ERBB4: variants seen among roughly 807,000 people sequenced by gnomAD.
ERBB4 encodes receptor tyrosine-protein kinase erbB-4.
In ERBB4, 42 loss-of-function variants were observed where a neutral mutation model predicts 158.0. That is an observed-to-expected ratio of 0.27 (90% CI 0.21 to 0.34). The LOEUF (loss-of-function observed/expected upper bound fraction) is 0.34, where lower values mean the gene tolerates loss of function less well. Ranked by LOEUF, ERBB4 falls within the 10% of genes least tolerant of loss-of-function variation. ERBB4 has a pLI of 1.00. For synonymous variants in ERBB4, 583 were observed against 558.7 expected (o/e 1.04, Z -0.61); for missense variants, 1,333 against 1,624.1 (o/e 0.82, Z 3.08).
intron 5 of ERBB4, among the ~76,000 whole-genome samples, chr2:211,727,237 A>G (rs567729963): frequency 1.2e-3 from 176 of 152,254 alleles, no homozygotes; most frequent in Non-Finnish European, 1.9e-3. Context: ...TACCCACCTA[A>G]TAGGATTGAA....
intron 4 of ERBB4, among the ~76,000 whole-genome samples, chr2:211,756,214 C>T (rs2075284431): frequency 6.6e-6 from 1 of 151,944 alleles, no homozygotes; most frequent in Non-Finnish European, 1.5e-5. Context: ...CTATTATGAC[C>T]ATAATATTTG....
At chr2:211,646,484 G>A (rs1176463816) in intron 16 of ERBB4, among the ~76,000 whole-genome samples, 1 of 151,442 alleles carries the variant, frequency 6.6e-6, no homozygotes, top group Non-Finnish European at 1.5e-5. Flanking sequence ...AGTTACATAA[G>A]TACATTCAGA....
chr2:212,249,083 C>G (rs1320254440), intron 1 of ERBB4, among the ~76,000 whole-genome samples: 1 of 151,882 alleles, frequency 6.6e-6, no homozygotes, highest in Non-Finnish European at 1.5e-5. Flanking sequence ...GGAACTAGAC[C>G]AGCAACAGAC....
Position 212,271,550 on chromosome 2 carries a change from A to G in ERBB4, c.83-146647T>C, listed in dbSNP as rs144245700. On this transcript the variant is annotated intron_variant, in intron 1 of 27. Coordinates refer to ENST00000342788, the MANE Select transcript of ERBB4 (RefSeq NM_005235.3). ...TACCTATTAAAATTAATCTTTCAAA[A>G]TCACAAAGCAAAATAATAGTCAGTG... is the stretch of plus-strand genomic sequence containing the variant. 2.8e-4 allele frequency among the ~76,000 whole-genome samples: 42 copies of G among 151,928 alleles called. No individual in the cohort carries two copies. The East Asian group carries it at 8.2e-3, about 30-fold the overall frequency.
intron 2 of ERBB4, among the ~76,000 whole-genome samples, chr2:212,003,216 G>GAAAGGAAGAAAGACAGAAA (rs1491317567): frequency 0.012 from 402 of 34,484 alleles, 36 homozygotes; most frequent in East Asian, 0.047. Context: ...ACAGAAAGAA[G>GAAAGGAAGAAAGACAGAAA]GAAGGAAGGA....
chr2:211,775,483 T>C (rs2075849893), intron 4 of ERBB4, among the ~76,000 whole-genome samples: 2 of 152,308 alleles, frequency 1.3e-5, no homozygotes, highest in South Asian at 4.1e-4. Flanking sequence ...TAAGATAGTT[T>C]GATAACATTT....
At chr2:212,304,653 T>C (rs867148524) in intron 1 of ERBB4, among the ~76,000 whole-genome samples, 7 of 151,478 alleles carry the variant, frequency 4.6e-5, no homozygotes, top group African/African-American at 1.7e-4. Context: ...CAGAATCTAA[T>C]GATGCCACAA....
chr2:211,625,604 A>G (rs1434644139), intron 17 of ERBB4, among the ~76,000 whole-genome samples: 2 of 152,198 alleles, frequency 1.3e-5, no homozygotes, highest in Non-Finnish European at 1.5e-5. Flanking sequence ...GTCACATTTT[A>G]AAAATCTCAG....
intron 20 of ERBB4, among the ~76,000 whole-genome samples, chr2:211,440,504 G>A (rs1325206315): frequency 6.6e-6 from 1 of 152,160 alleles, no homozygotes; most frequent in African/African-American, 2.4e-5. Flanking sequence ...TTGAATGTCT[G>A]ACACCTTAGT....
intron 1 of ERBB4, among the ~76,000 whole-genome samples, chr2:212,219,210 T>C (rs1030518252): frequency 3.3e-5 from 5 of 151,362 alleles, no homozygotes; most frequent in Admixed American, 2.6e-4. Context: ...AATTGGTAAA[T>C]GGTAGAACTA....
At chr2:211,937,237 T>C (rs1183297948) in intron 3 of ERBB4, among the ~76,000 whole-genome samples, 1 of 152,182 alleles carries the variant, frequency 6.6e-6, no homozygotes, top group African/African-American at 2.4e-5. Context: ...CTTAAATTTG[T>C]TGAAATATGG....
At chr2:211,410,242 T>C (rs2063229815) in intron 25 of ERBB4, among the ~76,000 whole-genome samples, 3 of 152,224 alleles carry the variant, frequency 2.0e-5, no homozygotes, top group Admixed American at 2.0e-4. Flanking sequence ...TGTATATATA[T>C]ACACACATTG....
At chr2:212,432,541 C>T (rs1421209044) in intron 1 of ERBB4, among the ~76,000 whole-genome samples, 1 of 152,014 alleles carries the variant, frequency 6.6e-6, no homozygotes, top group Non-Finnish European at 1.5e-5. Context: ...AACTTGACTT[C>T]TGTAAATATA....
At chr2:212,456,053 A>C (rs1405058331) in intron 1 of ERBB4, among the ~76,000 whole-genome samples, 2 of 151,952 alleles carry the variant, frequency 1.3e-5, no homozygotes, top group Non-Finnish European at 2.9e-5. Context: ...AAAATTAAGA[A>C]AAAAAAAGCA....
chr2:212,150,204 A>G (rs1370256318), intron 1 of ERBB4, among the ~76,000 whole-genome samples: 1 of 152,126 alleles, frequency 6.6e-6, no homozygotes, highest in East Asian at 1.9e-4. Context: ...CTGCCTCTGA[A>G]GCCTCTAAGG....
chr2:212,058,185 T>C (rs1442137893), intron 2 of ERBB4, among the ~76,000 whole-genome samples: 2 of 151,964 alleles, frequency 1.3e-5, no homozygotes, highest in Admixed American at 6.5e-5. Context: ...AACTAGAAAA[T>C]CTAGAAGAAG....
At chr2:211,512,469 T>C (rs536460188) in intron 20 of ERBB4, among the ~76,000 whole-genome samples, 142 of 151,898 alleles carry the variant, frequency 9.3e-4, no homozygotes, top group African/African-American at 3.2e-3. Flanking sequence ...CATTTTTATA[T>C]AGAAAGAAAC....
intron 3 of ERBB4, among the ~76,000 whole-genome samples, chr2:211,867,889 C>G (rs772433451): frequency 4.6e-5 from 7 of 152,192 alleles, no homozygotes; most frequent in Non-Finnish European, 1.0e-4. Context: ...TAATTAATCT[C>G]TATGACTGAG....
Position 212,321,415 on chromosome 2 carries a change from T to A in ERBB4, c.83-196512A>T, listed in dbSNP as rs540997210. ...CACTGAACTGTTTATATGGCAGAAT[T>A]AAAAATAAAACAACAGACTGGGCAT... On this transcript the variant is annotated intron_variant, in intron 1 of 27. Coordinates refer to ENST00000342788, the MANE Select transcript of ERBB4 (RefSeq NM_005235.3). Among the ~76,000 whole-genome samples, 11 of 150,518 alleles carry A rather than the reference T, an allele frequency of 7.3e-5. No homozygotes were observed. The South Asian group carries it at 2.1e-3, about 29-fold the overall frequency.
Sources: allele counts gnomAD v4.1 joint callset (sites outside exome capture counted in the v4.1 genomes callset), GRCh38; gene constraint gnomAD v4.1.1; transcripts MANE v1.5; gene names NCBI Gene and HGNC (gene_info 2026-07-23, HGNC 2026-07-21).